TBC1D22A: variants seen among roughly 807,000 people sequenced by gnomAD.
The protein encoded by TBC1D22A is TBC1 domain family member 22A, also known as putative GTPase activator.
TBC1D22A carries 38 observed loss-of-function variants against 60.2 expected under a neutral mutation model. The ratio of observed to expected loss-of-function variants is 0.63; its 90% CI spans 0.49 to 0.83. The LOEUF is 0.83. Among genes scored for constraint, TBC1D22A ranks in the 40% least tolerant of loss-of-function variants. The probability of loss-of-function intolerance (pLI) is 0.00; values close to 1 mark genes in which losing one functional copy is unlikely to be tolerated. For missense variants in TBC1D22A, 628 were observed against 701.0 expected (o/e 0.90, Z 1.18); for synonymous variants, 302 against 281.7 (o/e 1.07, Z -0.72).
intron 9 of TBC1D22A, among the ~76,000 whole-genome samples, chr22:46,994,862 C>T (rs2148222684): frequency 6.6e-6 from 1 of 152,188 alleles, no homozygotes; most frequent in East Asian, 1.9e-4. Flanking sequence ...GAAATTAAGT[C>T]TTAAAGGCTA....
At chr22:46,781,176 T>C (rs2083921371) in intron 1 of TBC1D22A, among the ~76,000 whole-genome samples, 1 of 148,556 alleles carries the variant, frequency 6.7e-6, no homozygotes, top group Non-Finnish European at 1.5e-5. Flanking sequence ...TGTCATTCTG[T>C]TGCTGGAGTG....
intron 10 of TBC1D22A, among the ~76,000 whole-genome samples, chr22:47,027,606 A>G (rs1022930315): frequency 6.6e-6 from 1 of 152,154 alleles, no homozygotes; most frequent in African/African-American, 2.4e-5. Flanking sequence ...TCAGAGACCT[A>G]TGTTTGAAAC....
chr22:47,147,491 A>G (rs1408141586), intron 12 of TBC1D22A, among the ~76,000 whole-genome samples: 3 of 152,296 alleles, frequency 2.0e-5, no homozygotes, highest in African/African-American at 7.2e-5. Context: ...GTCCTCCAAC[A>G]CACACACGTT....
intron 12 of TBC1D22A, among the ~76,000 whole-genome samples, chr22:47,123,545 C>CAAT (rs1448357538): frequency 6.6e-6 from 1 of 152,350 alleles, no homozygotes; most frequent in East Asian, 1.9e-4. Context: ...CCTCAACCTG[C>CAAT]CCATTGGCTC....
intron 12 of TBC1D22A, among the ~76,000 whole-genome samples, chr22:47,139,018 C>T (rs556336589): frequency 1.3e-5 from 2 of 152,306 alleles, no homozygotes; most frequent in Admixed American, 6.5e-5. Flanking sequence ...GTTATTTGGC[C>T]GAAACCCAGA....
intron 10 of TBC1D22A, among the ~76,000 whole-genome samples, chr22:47,011,450 G>A (rs548257511): frequency 1.6e-4 from 25 of 152,326 alleles, no homozygotes; most frequent in Non-Finnish European, 3.4e-4. Flanking sequence ...AGGAGTGGTC[G>A]TTGCTTCTTT....
chr22:46,866,562 G>A (rs769214335), intron 4 of TBC1D22A, among the ~76,000 whole-genome samples: 6 of 152,250 alleles, frequency 3.9e-5, no homozygotes, highest in Non-Finnish European at 7.3e-5. Context: ...GCTGGTTGCA[G>A]AAATTTAAGA....
chr22:46,949,147 G>A (rs1434477999), intron 8 of TBC1D22A, among the ~76,000 whole-genome samples: 1 of 152,152 alleles, frequency 6.6e-6, no homozygotes. Context: ...TGATTGTGTC[G>A]CATTTTGCTT....
chr22:47,158,710 C>T (rs763830247), intron 12 of TBC1D22A, among the ~76,000 whole-genome samples: 5 of 152,116 alleles, frequency 3.3e-5, no homozygotes, highest in Non-Finnish European at 5.9e-5. Flanking sequence ...CCAGGTGGCC[C>T]GTCCTGTGGA....
chr22:47,060,895 G>A (rs992474239), intron 11 of TBC1D22A, among the ~76,000 whole-genome samples: 2 of 152,202 alleles, frequency 1.3e-5, no homozygotes, highest in African/African-American at 4.8e-5. Context: ...CGGGGCGGTT[G>A]CAGAAGACAG....
chr22:46,860,045 C>G (rs1409479399), intron 4 of TBC1D22A, among the ~76,000 whole-genome samples: 1 of 20,628 alleles, frequency 4.8e-5, no homozygotes, highest in African/African-American at 7.0e-4. Context: ...AATCCTTTTC[C>G]ATAGAGGTCC....
At chr22:46,821,989 T>C (rs926220408) in intron 4 of TBC1D22A, among the ~76,000 whole-genome samples, 1 of 151,900 alleles carries the variant, frequency 6.6e-6, no homozygotes, top group Non-Finnish European at 1.5e-5. Context: ...ATTAATGTGG[T>C]CTTCAAACTC....
intron 8 of TBC1D22A, among the ~76,000 whole-genome samples, chr22:46,921,895 T>C (rs926716035): frequency 3.9e-5 from 6 of 152,224 alleles, no homozygotes; most frequent in Non-Finnish European, 8.8e-5. Context: ...TTTAGTGTAA[T>C]GAAGTCCCAT....
rs529037748 is a variant in TBC1D22A, at chr22:46,936,493, G to A, written c.1015+24305G>A. On this transcript the variant is annotated intron_variant, in intron 8 of 12. Transcript: ENST00000337137. The stretch of plus-strand genomic sequence containing the variant: ...CACATCTCTTTAATGAACTGTGCCC[G>A]CTGGGGCCTGGGGCCAGGGCCGGCA... Among the ~76,000 whole-genome samples, 27 of 152,298 alleles carry A rather than the reference G, an allele frequency of 1.8e-4. No homozygotes were observed. The South Asian group carries it at 4.6e-3, about 26-fold the overall frequency.
chr22:47,162,202 G>GTT (rs57783061), intron 12 of TBC1D22A, among the ~76,000 whole-genome samples: 7 of 146,168 alleles, frequency 4.8e-5, no homozygotes, highest in Admixed American at 1.3e-4. Context: ...CATTTGAAAG[G>GTT]TTTTTTTTTT....
rs575991069 is a variant in TBC1D22A, at chr22:47,018,437, A to G, written c.1202-18634A>G. The stretch of plus-strand genomic sequence containing the variant: ...TTTAATGCAATCTGAGGAGACAGAC[A>G]TTGGCTAGACTGCTTTTAATTTAAG... On this transcript the variant is annotated intron_variant, in intron 10 of 12. Coordinates refer to ENST00000337137, the MANE Select transcript of TBC1D22A (RefSeq NM_014346.5). Among the ~76,000 whole-genome samples the G allele has an allele frequency of 4.6e-5, 7 of 152,306 alleles. No homozygotes were observed. In the East Asian group the frequency reaches 1.4e-3, roughly 29 times the overall value.
intron 1 of TBC1D22A, among the ~76,000 whole-genome samples, chr22:46,775,920 A>G (rs1372482916): frequency 2.0e-5 from 3 of 152,246 alleles, no homozygotes; most frequent in African/African-American, 7.2e-5. Context: ...AGAGAATTAA[A>G]TGGAACAAGC....
At chr22:46,941,872 GTATAGAATATGTATAGAATATATGTA>G in intron 8 of TBC1D22A, among the ~76,000 whole-genome samples, 1 of 143,706 alleles carries the variant, frequency 7.0e-6, no homozygotes, top group East Asian at 2.0e-4. Flanking sequence ...GAATATATGT[GTATAGAATATGTATAGAATATATGTA>G]TATAGAATAT....
intron 12 of TBC1D22A, among the ~76,000 whole-genome samples, chr22:47,150,364 GC>G (rs1481826485): frequency 6.6e-6 from 1 of 152,054 alleles, no homozygotes; most frequent in South Asian, 2.1e-4. Flanking sequence ...GGCCTCTGAG[GC>G]CCCCCGAGTT....
Sources: gnomAD v4.1 joint callset for allele counts (sites outside exome capture counted in the v4.1 genomes callset) on GRCh38, gnomAD v4.1.1 for gene constraint, MANE v1.5 for transcripts, NCBI Gene and HGNC (gene_info 2026-07-23, HGNC 2026-07-21) for gene names.